Variants in TLN2 observed in about 807,000 individuals in gnomAD.
TLN2 encodes the protein talin-2.
A neutral mutation model predicts 294.7 loss-of-function variants in TLN2; 118 were observed. The ratio of observed to expected loss-of-function variants is 0.40; its 90% CI spans 0.34 to 0.47. The LOEUF is 0.47. Ranked by LOEUF, TLN2 falls within the 20% of genes least tolerant of loss-of-function variation. The pLI, the probability that TLN2 is intolerant of heterozygous loss-of-function variation, is 0.84. For synonymous variants in TLN2, 1,431 were observed against 1,304.5 expected, an observed-to-expected ratio of 1.10 and a Z score of -2.09; for missense variants, 3,083 against 3,282.2, an observed-to-expected ratio of 0.94 and a Z score of 1.48.
Position 62,606,567 on chromosome 15 carries a change from C to G in TLN2, c.-161-11784C>G, listed in dbSNP as rs1026981795. On this transcript the variant is annotated intron_variant, in intron 2 of 58. Coordinates refer to ENST00000636159, the MANE Select transcript of TLN2 (RefSeq NM_015059.3). The stretch of plus-strand genomic sequence containing the variant: ...TGGTCCTGGTCATCCATTACTGAAG[C>G]TTTTATTGTGCTAACCCAAGTATAA... 4.1e-4 allele frequency among the ~76,000 whole-genome samples: 63 copies of G among 152,098 alleles called. 1 individual carries two copies. The highest frequency in any genetic ancestry group is 1.8e-3 in the Admixed American group (28 of 15,272).
intron 45 of TLN2, among the ~76,000 whole-genome samples, chr15:62,785,823 A>G (rs986293352): frequency 1.2e-4 from 18 of 152,104 alleles, no homozygotes; most frequent in African/African-American, 3.9e-4. Context: ...TACCCACCCA[A>G]CGTGTGAAAC....
chr15:62,631,212 C>T (rs1443269727), intron 3 of TLN2, among the ~76,000 whole-genome samples: 1 of 152,058 alleles, frequency 6.6e-6, no homozygotes, highest in Non-Finnish European at 1.5e-5. Flanking sequence ...CTCTCCTTGT[C>T]TTGACTTCAG....
chr15:62,655,651 ATG>A lies in TLN2; in HGVS notation c.518-292_518-291del, dbSNP rs1205393343. Among the ~76,000 whole-genome samples the A allele has an allele frequency of 0.037, 40 of 1,092 alleles. 15 individuals are homozygous for A. The Non-Finnish European group carries it at 0.44, about 12-fold the overall frequency. The allele number at this position is 1,092 out of a possible 152,430, so 0.7% of individuals were successfully genotyped here. A position where few individuals can be genotyped will look rare whatever the true frequency, so the allele number is the denominator to read the frequency against. ...ACAGAGGGTGTACTGGGCCATGGGAATGCGTCAGTGGAGAGAACGTGTCACTC... is the reference window on the plus strand; with the variant it reads ...ACAGAGGGTGTACTGGGCCATGGGAACGTCAGTGGAGAGAACGTGTCACTC... On this transcript the variant is annotated intron_variant, in intron 7 of 58. Transcript: ENST00000636159.
At chr15:62,780,812 A>G (rs560373923) in intron 43 of TLN2, among the ~76,000 whole-genome samples, 6 of 152,156 alleles carry the variant, frequency 3.9e-5, no homozygotes, top group African/African-American at 1.2e-4. Context: ...ATGTACGTGA[A>G]TTCTGTTCCC....
chr15:62,511,420 T>C (rs112023038), intron 1 of TLN2, among the ~76,000 whole-genome samples: 2,167 of 152,316 alleles, frequency 0.014, 52 homozygotes, highest in African/African-American at 0.05. Flanking sequence ...TCCCTTTTTT[T>C]CTCAAAAATA....
Position 62,702,299 on chromosome 15 carries a change from T to G in TLN2, c.1905+99T>G, listed in dbSNP as rs1237353135. On this transcript the variant is annotated intron_variant, in intron 18 of 58. Transcript: ENST00000636159. ...TGCTTCCCGAGCTGTTCCTTGCGTC[T>G]TGATGGGGTGTGTTTCTCTCTGCAG... 15 of 1,301,746 alleles carry G rather than the reference T, an allele frequency of 1.2e-5. No homozygotes were observed. The East Asian group carries it at 3.8e-4, about 33-fold the overall frequency. 80.6% of individuals were successfully genotyped at this position (1,301,746 alleles called of 1,614,324 possible).
intron 12 of TLN2, 99 bp from the exon 13 acceptor site, chr15:62,692,741 A>G (rs1167595644): frequency 3.6e-6 from 3 of 837,450 alleles, no homozygotes; most frequent in Non-Finnish European, 5.8e-6. Flanking sequence ...AGCAGGGAAA[A>G]TGAAGTCTAT....
At chr15:62,554,791 T>G (rs1028582439) in intron 1 of TLN2, among the ~76,000 whole-genome samples, 1 of 152,086 alleles carries the variant, frequency 6.6e-6, no homozygotes. Context: ...GATTCTATTT[T>G]CCAGTGAGAG....
intron 18 of TLN2, 66 bp from the exon 19 acceptor site, chr15:62,702,700 T>G: frequency 6.7e-7 from 1 of 1,494,060 alleles, no homozygotes; most frequent in Non-Finnish European, 9.3e-7. Context: ...TTCCTGTACT[T>G]CCATGTCTGA....
chr15:62,703,648 C>CAG (rs1354870150), intron 19 of TLN2, among the ~76,000 whole-genome samples: 64 of 144,016 alleles, frequency 4.4e-4, no homozygotes, highest in Middle Eastern at 3.5e-3. Flanking sequence ...CACACACACA[C>CAG]ACAGAGAAAG....
intron 1 of TLN2, among the ~76,000 whole-genome samples, chr15:62,549,431 G>C (rs1334340015): frequency 6.6e-6 from 1 of 151,762 alleles, no homozygotes; most frequent in African/African-American, 2.4e-5. Context: ...CACCGCCCCT[G>C]GCCACTGAAG....
At position 62,755,674 on chromosome 15, in the gene TLN2, A is replaced by T. The variant is rs2062203209; in HGVS notation, c.4619A>T (p.Asn1540Ile). 6.2e-7 allele frequency: 1 copy of T among 1,614,108 alleles called. No homozygotes were observed. The highest frequency in any genetic ancestry group is 1.7e-5 in the Admixed American group (1 of 60,012). The change falls in exon 37 of 59, where the codon AAC (asparagine) becomes ATC (isoleucine). Residue 1540 changes from asparagine (N) to isoleucine (I), a missense_variant. By Grantham distance (149) the Asn-to-Ile change is moderately radical. Coordinates refer to ENST00000636159, the MANE Select transcript of TLN2 (RefSeq NM_015059.3). ...AAGGAAGTCGCCAACAGCACTGCCA[A>T]CCTGGTGAAGACCATCAAGGTAGGT... ...SAKEVANSTA[N>I]LVKTIKALDG...
rs74978059 is a variant in TLN2, at chr15:62,840,712, C to T, written c.*102C>T. ...CACTTAGCTGGAAACCGCCCACCTCCCTCCCGGGTGAGCCTGGAGCCCTGC... is the reference window on the plus strand; with the variant it reads ...CACTTAGCTGGAAACCGCCCACCTCTCTCCCGGGTGAGCCTGGAGCCCTGC... On this transcript the variant is annotated 3_prime_UTR_variant, in exon 59 of 59. Coordinates refer to ENST00000636159, the MANE Select transcript of TLN2 (RefSeq NM_015059.3). 2,406 of 1,481,674 alleles carry T rather than the reference C, an allele frequency of 1.6e-3. 24 individuals carry two copies. In the East Asian group the frequency reaches 0.018, roughly 11 times the overall value. 91.8% of individuals were successfully genotyped at this position (1,481,674 alleles called of 1,614,324 possible).
At position 62,727,190 on chromosome 15, in the gene TLN2, G is replaced by T. The variant is rs1309360960; in HGVS notation, c.3358+1G>T. 1 of 1,613,200 alleles carries T rather than the reference G, an allele frequency of 6.2e-7. No homozygotes were observed. Among genetic ancestry groups the T allele is most frequent in the Admixed American group, 1.7e-5 (1 of 59,920 alleles). Reference sequence around the variant, plus strand: ...GCTCAAGGCAACGAACACTACACAGGTGAGACCCACGCCCTTCATGCCACT... The same window carrying T: ...GCTCAAGGCAACGAACACTACACAGTTGAGACCCACGCCCTTCATGCCACT... On this transcript the variant is annotated splice_donor_variant, in intron 28 of 58. Coordinates refer to ENST00000636159, the MANE Select transcript of TLN2 (RefSeq NM_015059.3). LOFTEE classifies it high-confidence loss of function.
At chr15:62,440,696 C>CA (rs1566973072) in intron 1 of TLN2, among the ~76,000 whole-genome samples, 2 of 152,144 alleles carry the variant, frequency 1.3e-5, no homozygotes, top group African/African-American at 4.8e-5. Flanking sequence ...AATTATTGAC[C>CA]GTCCTACTTT....
chr15:62,746,663 G>A (rs2061629921), intron 32 of TLN2, among the ~76,000 whole-genome samples: 1 of 152,082 alleles, frequency 6.6e-6, no homozygotes, highest in Non-Finnish European at 1.5e-5. Flanking sequence ...ATAAAATGAG[G>A]CATCTTTTAT....
In TLN2 at chr15:62,666,081, G is replaced by A. The variant is rs114411758; in HGVS notation, c.789-7746G>A. Among the ~76,000 whole-genome samples, 1,442 of 152,220 alleles carry A rather than the reference G, an allele frequency of 9.5e-3. 24 individuals carry two copies. The highest frequency in any genetic ancestry group is 0.033 in the African/African-American group (1,354 of 41,510). ...CCTAACTACTTTCAAACCAGGAACC[G>A]CTGAGGGTATCCAGCCCTGAGCTGT... On this transcript the variant is annotated intron_variant, in intron 9 of 58. Coordinates refer to ENST00000636159, the MANE Select transcript of TLN2 (RefSeq NM_015059.3).
chr15:62,782,096 G>C (rs2064224585), intron 44 of TLN2, among the ~76,000 whole-genome samples: 1 of 152,210 alleles, frequency 6.6e-6, no homozygotes, highest in Admixed American at 6.5e-5. Context: ...AAATCAATGG[G>C]CCTTCCTCGC....
chr15:62,835,775 G>T lies in TLN2; in HGVS notation c.7167G>T (p.Gln2389His), dbSNP rs201024580. The T allele has an allele frequency of 6.2e-7, 1 of 1,614,204 alleles. No homozygotes were observed. The highest frequency in any genetic ancestry group is 8.5e-7 in the Non-Finnish European group (1 of 1,180,038). ...CTGCCAATGCTGCAGACGACGGACAGTGGTCACAGGGGCTGATTTCTGCTG... is the reference window on the plus strand; with the variant it reads ...CTGCCAATGCTGCAGACGACGGACATTGGTCACAGGGGCTGATTTCTGCTG... ...SIPANAADDG[Q>H]WSQGLISAAR... The change falls in exon 56 of 59, where the codon CAG (glutamine) becomes CAT (histidine). Residue 2389 changes from glutamine (Q) to histidine (H), a missense_variant. Gln to His is a conservative substitution (Grantham distance 24, BLOSUM62 0). Transcript: ENST00000636159.
Sources: allele counts gnomAD v4.1 joint callset (sites outside exome capture counted in the v4.1 genomes callset), GRCh38; gene constraint gnomAD v4.1.1; transcripts MANE v1.5; gene names NCBI Gene and HGNC (gene_info 2026-07-23, HGNC 2026-07-21).